Variants in FYB1 observed in about 807,000 individuals in gnomAD.
FYB1 encodes FYN binding protein 1, also known as FYN-binding protein 1.
FYB1 carries 41 observed loss-of-function variants against 94.1 expected under a neutral mutation model. The observed-to-expected ratio is 0.44, with a 90% CI of 0.34 to 0.57. The LOEUF is 0.57. Among genes scored for constraint, FYB1 ranks in the 20% least tolerant of loss-of-function variants. The pLI is 0.02. For synonymous variants in FYB1, 367 were observed against 353.2 expected, an observed-to-expected ratio of 1.04 and a Z score of -0.44; for missense variants, 1,050 against 976.8, an observed-to-expected ratio of 1.07 and a Z score of -1.00.
At chr5:39,154,749 G>C (rs1336676826) in intron 2 of FYB1, among the ~76,000 whole-genome samples, 5 of 151,844 alleles carry the variant, frequency 3.3e-5, no homozygotes, top group African/African-American at 1.2e-4. Context: ...GCCCGCCGCT[G>C]TGCCCATCTA....
chr5:39,230,714 A>G (rs1750687064), intron 1 of FYB1, among the ~76,000 whole-genome samples: 1 of 151,962 alleles, frequency 6.6e-6, no homozygotes, highest in Non-Finnish European at 1.5e-5. Flanking sequence ...GGCCTTACCT[A>G]GACACCCGTT....
intron 1 of FYB1, among the ~76,000 whole-genome samples, chr5:39,268,482 T>C (rs1292412978): frequency 6.6e-6 from 1 of 152,144 alleles, no homozygotes; most frequent in Admixed American, 6.5e-5. Flanking sequence ...TCCTCCCACT[T>C]TGACCTCCCA....
At chr5:39,135,621 C>A (rs536764077) in intron 7 of FYB1, among the ~76,000 whole-genome samples, 1 of 152,278 alleles carries the variant, frequency 6.6e-6, no homozygotes, top group African/African-American at 2.4e-5. Flanking sequence ...AAATTGGTGT[C>A]TTTTCAACAG....
chr5:39,183,660 T>G (rs552883311), intron 2 of FYB1, among the ~76,000 whole-genome samples: 7 of 152,182 alleles, frequency 4.6e-5, no homozygotes, highest in Non-Finnish European at 7.3e-5. Context: ...CCTAAAAAAA[T>G]GAGTTTCTAT....
intron 10 of FYB1, among the ~76,000 whole-genome samples, chr5:39,130,097 C>G (rs1741056341): frequency 6.6e-6 from 1 of 151,892 alleles, no homozygotes; most frequent in African/African-American, 2.4e-5. Flanking sequence ...GAAATCATGT[C>G]ATTTGCAGCA....
At chr5:39,267,745 G>A (rs1752492811) in intron 1 of FYB1, among the ~76,000 whole-genome samples, 1 of 152,160 alleles carries the variant, frequency 6.6e-6, no homozygotes, top group Non-Finnish European at 1.5e-5. Context: ...CACTTACTAT[G>A]CCATTATATA....
In FYB1 at chr5:39,203,344, A is replaced by C. The variant is rs143598508; in HGVS notation, c.-27-357T>G. Among the ~76,000 whole-genome samples, 1,516 of 152,312 alleles carry C rather than the reference A, an allele frequency of 1.0e-2. 35 individuals carry two copies. Among genetic ancestry groups the C allele is most frequent in the African/African-American group, 0.035 (1,436 of 41,568 alleles). Reference sequence around the variant, plus strand: ...TTTCACTTGAAAAAATATGGAAGTGACTAAAAAAAGATTTCTTCCATATTT... The same window carrying C: ...TTTCACTTGAAAAAATATGGAAGTGCCTAAAAAAAGATTTCTTCCATATTT... On this transcript the variant is annotated intron_variant, in intron 1 of 18. Coordinates refer to ENST00000512982, the MANE Select transcript of FYB1 (RefSeq NM_001465.6).
intron 16 of FYB1, among the ~76,000 whole-genome samples, chr5:39,114,188 A>G (rs930150126): frequency 6.6e-6 from 1 of 152,178 alleles, no homozygotes. Flanking sequence ...CTTATTCTAC[A>G]TCTTTTGTAG....
chr5:39,204,763 T>C (rs1416282682), intron 1 of FYB1, among the ~76,000 whole-genome samples: 1 of 152,212 alleles, frequency 6.6e-6, no homozygotes, highest in Non-Finnish European at 1.5e-5. Flanking sequence ...TTTCTGTCCA[T>C]ACCAAACTGT....
chr5:39,246,323 T>C (rs1215574732), intron 1 of FYB1, among the ~76,000 whole-genome samples: 1 of 152,182 alleles, frequency 6.6e-6, no homozygotes, highest in African/African-American at 2.4e-5. Flanking sequence ...AAGATCTATG[T>C]TTTCTCTTGT....
intron 1 of FYB1, among the ~76,000 whole-genome samples, chr5:39,239,486 GAA>G (rs1391424997): frequency 5.3e-5 from 8 of 151,986 alleles, no homozygotes; most frequent in Admixed American, 3.9e-4. Context: ...ATCAATGCAT[GAA>G]AATTAATAGC....
intron 3 of FYB1, among the ~76,000 whole-genome samples, chr5:39,144,901 G>A (rs1391104535): frequency 6.6e-6 from 1 of 152,090 alleles, no homozygotes; most frequent in Non-Finnish European, 1.5e-5. Flanking sequence ...ACACATATAT[G>A]TTGTAAGAGA....
chr5:39,195,025 C>G (rs528694483), intron 2 of FYB1, among the ~76,000 whole-genome samples: 1 of 152,180 alleles, frequency 6.6e-6, no homozygotes, highest in African/African-American at 2.4e-5. Flanking sequence ...GGCTGTTACC[C>G]GAAGCTGAAC....
At chr5:39,180,555 A>C (rs1448328349) in intron 2 of FYB1, among the ~76,000 whole-genome samples, 1 of 152,140 alleles carries the variant, frequency 6.6e-6, no homozygotes, top group Non-Finnish European at 1.5e-5. Context: ...CAGAACTCTT[A>C]CCCCTACTTT....
intron 11 of FYB1, 147 bp downstream of exon 11, chr5:39,127,594 A>G: frequency 2.4e-6 from 2 of 842,040 alleles, no homozygotes; most frequent in Non-Finnish European, 3.4e-6. Flanking sequence ...TTCCTGGTTT[A>G]CAATTGCTGT....
At position 39,130,598 on chromosome 5, in the gene FYB1, C is replaced by A. The variant is rs780300581; in HGVS notation, c.1832G>T (p.Gly611Val). The change falls in exon 10 of 19, where the codon GGA becomes GTA. Residue 611 changes from glycine (G) to valine (V), a missense_variant. By Grantham distance (109) the Gly-to-Val change is moderately radical (BLOSUM62 -3). Transcript: ENST00000512982. ...QDDISSHSQS[G>V]SGGIFPPPPD... ...AGAAGCGTGTGGCTTACCTCCACTT[C>A]CACTCTGACTGTGGCTAGAAAAGAA... 1.9e-6 allele frequency: 3 copies of A among 1,574,724 alleles called. No homozygotes were observed. Among genetic ancestry groups the A allele is most frequent in the Non-Finnish European group, 8.6e-7 (1 of 1,157,922 alleles).
chr5:39,214,456 A>T (rs536766972), intron 1 of FYB1, among the ~76,000 whole-genome samples: 51 of 152,384 alleles, frequency 3.3e-4, no homozygotes, highest in African/African-American at 1.2e-3. Flanking sequence ...TTATAGTAGC[A>T]TAATTTACAA....
chr5:39,185,521 A>AT (rs1554034722), intron 2 of FYB1, among the ~76,000 whole-genome samples: 1 of 136,650 alleles, frequency 7.3e-6, no homozygotes, highest in African/African-American at 2.9e-5. Context: ...CTGACTAAAA[A>AT]AAAAATATAT....
chr5:39,163,207 T>C (rs1561197110), intron 2 of FYB1, among the ~76,000 whole-genome samples: 1 of 152,188 alleles, frequency 6.6e-6, no homozygotes, highest in Admixed American at 6.5e-5. Context: ...AAAGGATTTG[T>C]AAACCATTGT....
Sources: gnomAD v4.1 joint callset for allele counts (sites outside exome capture counted in the v4.1 genomes callset) on GRCh38, gnomAD v4.1.1 for gene constraint, MANE v1.5 for transcripts, NCBI Gene and HGNC (gene_info 2026-07-23, HGNC 2026-07-21) for gene names.